LRRC43: variants seen among roughly 807,000 people sequenced by gnomAD.
LRRC43 encodes leucine rich repeat containing 43, also known as leucine-rich repeat-containing protein 43.
Under a neutral mutation model 64.3 loss-of-function variants are expected in LRRC43, and 62 were observed. That is an observed-to-expected ratio of 0.96 (90% CI 0.79 to 1.19). The LOEUF is 1.19. LRRC43 is among the 50% of genes most tolerant of loss of function. The probability of loss-of-function intolerance (pLI) is 0.00; values close to 1 mark genes in which losing one functional copy is unlikely to be tolerated. For missense variants in LRRC43, 868 were observed against 845.0 expected (o/e 1.03, Z -0.34); for synonymous variants, 422 against 382.3 (o/e 1.10, Z -1.21).
At position 122,203,412 on chromosome 12, in the gene LRRC43, G is replaced by C; in HGVS notation, c.1941G>C (p.Ala647=). 1 of 1,611,966 alleles carries C rather than the reference G, an allele frequency of 6.2e-7. No individual in the cohort carries two copies. The highest frequency in any genetic ancestry group is 2.2e-5 in the East Asian group (1 of 44,770). The change falls in exon 12 of 12, where the codon GCG becomes GCC. Residue 647 remains alanine (A), a synonymous_variant. Transcript: ENST00000339777. ...VQIQLNQCRS[A]EEALRMFAV ...TCCAGCTGAACCAGTGCCGCTCGGC[G>C]GAGGAGGCTCTGCGCATGTTCGCCG...
intron 3 of LRRC43, among the ~76,000 whole-genome samples, chr12:122,186,912 A>G (rs778198098): frequency 6.8e-6 from 1 of 146,780 alleles, no homozygotes; most frequent in Non-Finnish European, 1.5e-5. Context: ...GAGTGACTCC[A>G]TCTCAAAGTG....
At chr12:122,169,578 T>C (rs148231229) in intron 1 of LRRC43, among the ~76,000 whole-genome samples, 9,391 of 151,518 alleles carry the variant, frequency 0.062, 570 homozygotes, top group African/African-American at 0.16. Context: ...TAGCCGGGCG[T>C]GGTGGCGGGC....
chr12:122,180,764 C>G (rs928883996), upstream of LRRC43, among the ~76,000 whole-genome samples: 3 of 152,238 alleles, frequency 2.0e-5, no homozygotes, highest in Non-Finnish European at 2.9e-5. Flanking sequence ...GCATCTGGAC[C>G]TTAACTTGTT....
At chr12:122,190,467 C>T in intron 5 of LRRC43, 99 bp downstream of exon 5, 1 of 915,638 alleles carries the variant, frequency 1.1e-6, no homozygotes, top group Non-Finnish European at 1.7e-6. Context: ...GTCTGTCCTG[C>T]AACTCCCCAT....
At chr12:122,203,233 TGC>T in intron 11 of LRRC43, 80 bp from the exon 12 acceptor site, 1 of 1,515,422 alleles carries the variant, frequency 6.6e-7, no homozygotes, top group Non-Finnish European at 8.9e-7. Flanking sequence ...GTCCAGGGCT[TGC>T]ATATGGGATG....
chr12:122,172,671 G>T, intron 1 of LRRC43: 1 of 1,614,056 alleles, frequency 6.2e-7, no homozygotes, highest in Non-Finnish European at 8.5e-7. Context: ...GTTGTTTGGC[G>T]GCTGGGCGTC....
Position 122,172,778 on chromosome 12 carries a change from C to T in LRRC43, c.-406+4996C>T, listed in dbSNP as rs576191798. ...GGAGAAATGGTCAGTGTTGGGTTTG[C>T]AATGACAGCTGCAAGTCTTAACAGT... On this transcript the variant is annotated intron_variant, in intron 1 of 5. Coordinates refer to the LRRC43 transcript ENST00000537729. 2.7e-6 allele frequency: 4 copies of T among 1,500,654 alleles called. 1 individual carries two copies. The East Asian group carries it at 9.5e-5, about 36-fold the overall frequency. 93.0% of individuals were successfully genotyped at this position (1,500,654 alleles called of 1,614,324 possible). A position where few individuals can be genotyped will look rare whatever the true frequency, so the allele number is the denominator to read the frequency against.
At position 122,173,450 on chromosome 12, in the gene LRRC43, A is replaced by G. The variant is rs370155397; in HGVS notation, c.-406+5668A>G. ...TGTAATCCCAGCACTTTGGGAGGCC[A>G]AGGCAGGCGGATCACTTGAGGTCAG... On this transcript the variant is annotated intron_variant, in intron 1 of 5. Coordinates refer to the LRRC43 transcript ENST00000537729. 2.8e-4 allele frequency among the ~76,000 whole-genome samples: 42 copies of G among 152,294 alleles called. No homozygotes were observed. The East Asian group carries it at 7.5e-3, about 27-fold the overall frequency.
At position 122,187,823 on chromosome 12, in the gene LRRC43, C is replaced by CTAGGCCCCTTGGAAA. The variant is rs1566008385; in HGVS notation, c.645_646insTAGGCCCCTTGGAAA (p.Tyr215_Val216insTer). On this transcript the variant is annotated stop_gained and inframe_insertion, in exon 4 of 12. Coordinates refer to ENST00000339777, the MANE Select transcript of LRRC43 (RefSeq NM_001098519.2). LOFTEE classifies it high-confidence loss of function. ...TTCTAGGCCCCTTGGAAAGTCTCTA[C>CTAGGCCCCTTGGAAA]GTCACCGCTAATCACTGGTAACTCG... 1.7e-5 allele frequency: 27 copies of CTAGGCCCCTTGGAAA among 1,614,128 alleles called. No individual in the cohort carries two copies. Among genetic ancestry groups the CTAGGCCCCTTGGAAA allele is most frequent in the Non-Finnish European group, 2.2e-5 (26 of 1,180,006 alleles).
Position 122,200,156 on chromosome 12 carries a change from C to T in LRRC43, c.1350-33C>T, listed in dbSNP as rs778355858. ...GTCCCTGGCCACAGCCCCTGGGTGA[C>T]GGCACCCCCGTCTTCATCCCTCCCT... On this transcript the variant is annotated intron_variant, in intron 7 of 11. Coordinates refer to ENST00000339777, the MANE Select transcript of LRRC43 (RefSeq NM_001098519.2). This position sits in a 1 kb window ranked among gnomAD's most constrained non-coding sequence, Gnocchi z 4.6. 1.8e-5 allele frequency: 29 copies of T among 1,603,940 alleles called. No homozygotes were observed. Among genetic ancestry groups the T allele is most frequent in the Middle Eastern group, 1.7e-4 (1 of 6,004 alleles).
At chr12:122,179,840 G>A (rs765133132), upstream of LRRC43, among the ~76,000 whole-genome samples, 17 of 151,936 alleles carry the variant, frequency 1.1e-4, no homozygotes, top group African/African-American at 3.4e-4. Context: ...GTGTGGTGGC[G>A]CGTGTCTGTA....
intron 1 of LRRC43, chr12:122,174,073 C>A: frequency 6.2e-7 from 1 of 1,613,692 alleles, no homozygotes; most frequent in Non-Finnish European, 8.5e-7. Flanking sequence ...CCTGCTGAGC[C>A]AACCCTGGGG....
At chr12:122,171,536 G>T (rs1953485098) in intron 1 of LRRC43, among the ~76,000 whole-genome samples, 1 of 151,798 alleles carries the variant, frequency 6.6e-6, no homozygotes, top group Non-Finnish European at 1.5e-5. Flanking sequence ...GTTTTGGGTT[G>T]GTTTTTTTAG....
At position 122,201,282 on chromosome 12, in the gene LRRC43, G is replaced by T. The variant is rs901233794; in HGVS notation, c.1810-14G>T. 8.7e-6 allele frequency: 14 copies of T among 1,613,864 alleles called. No individual in the cohort carries two copies. The Middle Eastern group carries it at 4.9e-4, about 57-fold the overall frequency. On this transcript the variant is annotated splice_polypyrimidine_tract_variant and intron_variant, in intron 10 of 11. Transcript: ENST00000339777. ...TCTCCAGTAAGCATCTCGTTTTGTG[G>T]TTCTTTCTCTCAGGATTCAAAGAAG...
intron 7 of LRRC43, among the ~76,000 whole-genome samples, chr12:122,193,208 G>A (rs1043751924): frequency 6.6e-6 from 1 of 151,544 alleles, no homozygotes. Context: ...GTGAAACCCC[G>A]TCTCTACTAA....
rs777855306 is a variant in LRRC43 at position 122,172,715 on chromosome 12, C to T, written c.-406+4933C>T. 6 of 1,612,864 alleles carry T rather than the reference C, an allele frequency of 3.7e-6. No homozygotes were observed. The South Asian group carries it at 6.6e-5, about 18-fold the overall frequency. On this transcript the variant is annotated intron_variant, in intron 1 of 5. Transcript: ENST00000537729. ...GACACGGCAGCGTGTAATTCTGGGA[C>T]ACGAGCACGCCCTTCTCTTCCTCCA...
At chr12:122,172,333 G>T in intron 1 of LRRC43, 1 of 1,023,170 alleles carries the variant, frequency 9.8e-7, no homozygotes. Flanking sequence ...AGGAATCACG[G>T]CAGAGTTCCC....
intron 1 of LRRC43, among the ~76,000 whole-genome samples, chr12:122,169,442 G>A (rs11058875): frequency 0.13 from 20,308 of 152,068 alleles, 1,632 homozygotes; most frequent in Admixed American, 0.23. Flanking sequence ...CTAGTTGGGC[G>A]CAGTGGCTCA....
At position 122,172,697 on chromosome 12, in the gene LRRC43, C is replaced by T. The variant is rs753566380; in HGVS notation, c.-406+4915C>T. 3 of 1,613,982 alleles carry T rather than the reference C, an allele frequency of 1.9e-6. No homozygotes were observed. The Admixed American group carries it at 5.0e-5, about 27-fold the overall frequency. Reference sequence around the variant, plus strand: ...GCTGGGCGTCAGGGCTGAGACACGGCAGCGTGTAATTCTGGGACACGAGCA... The same window carrying T: ...GCTGGGCGTCAGGGCTGAGACACGGTAGCGTGTAATTCTGGGACACGAGCA... On this transcript the variant is annotated intron_variant, in intron 1 of 5. Coordinates refer to the LRRC43 transcript ENST00000537729.
Sources: gnomAD v4.1 joint callset for allele counts (sites outside exome capture counted in the v4.1 genomes callset) on GRCh38, gnomAD v4.1.1 for gene constraint, Gnocchi (gnomAD v3.1) non-coding constraint, MANE v1.5 for transcripts, NCBI Gene and HGNC (gene_info 2026-07-23, HGNC 2026-07-21) for gene names.